KIZ: variants seen among roughly 807,000 people sequenced by gnomAD.
KIZ encodes centrosomal protein kizuna.
Under a neutral mutation model 79.6 loss-of-function variants are expected in KIZ, and 68 were observed. That is an observed-to-expected ratio of 0.85 (90% CI 0.70 to 1.05). KIZ has a LOEUF of 1.05. KIZ is among the 50% of genes least tolerant of loss of function. KIZ has a pLI of 0.00. For missense variants in KIZ, 797 were observed against 800.4 expected (o/e 1.00, Z 0.05); for synonymous variants, 280 against 281.8 (o/e 0.99, Z 0.06).
Position 21,174,115 on chromosome 20 carries a change from C to G in KIZ, c.1352+10956C>G, listed in dbSNP as rs564554799. Among the ~76,000 whole-genome samples, 3 of 152,150 alleles carry G rather than the reference C, an allele frequency of 2.0e-5. No individual in the cohort carries two copies. In the South Asian group the frequency reaches 6.2e-4, roughly 32 times the overall value. ...GTTTAGAAAGCTTAAATAACCTGCTCAGGTCACAGAGGTGCAGCTAGGGTC... is the reference window on the plus strand; with the variant it reads ...GTTTAGAAAGCTTAAATAACCTGCTGAGGTCACAGAGGTGCAGCTAGGGTC... On this transcript the variant is annotated intron_variant, in intron 6 of 12. Coordinates refer to ENST00000619189, the MANE Select transcript of KIZ (RefSeq NM_018474.6).
rs185105669 is a variant in KIZ, at chr20:21,236,623, A to G, written c.1880+3793A>G. Reference sequence around the variant, plus strand: ...CCCTCTGAGTCTCATTGCCACACTCAATTGGTGAGGCCTCAGAGTCACAAT... The same window carrying G: ...CCCTCTGAGTCTCATTGCCACACTCGATTGGTGAGGCCTCAGAGTCACAAT... On this transcript the variant is annotated intron_variant, in intron 11 of 12. Transcript: ENST00000619189. 6.6e-5 allele frequency among the ~76,000 whole-genome samples: 10 copies of G among 152,194 alleles called. No individual in the cohort carries two copies. In the East Asian group the frequency reaches 1.9e-3, roughly 29 times the overall value.
chr20:21,149,631 C>T (rs143970767), intron 4 of KIZ, among the ~76,000 whole-genome samples: 3 of 152,278 alleles, frequency 2.0e-5, no homozygotes, highest in East Asian at 3.9e-4. Context: ...AGGAGAGGCA[C>T]ACGTCAGAGA....
At position 21,126,121 on chromosome 20, in the gene KIZ, C is replaced by T; in HGVS notation, c.6C>T (p.Ser2=). Residue 2 remains serine (S), a synonymous_variant, in exon 1 of 13, where the codon AGC becomes AGT. Transcript: ENST00000619189. ...GCTGGCGCAGCGGCAGCAGCATGAGCCGGACCCTCGCATCGGCCGTGCCCC... is the reference window on the plus strand; with the variant it reads ...GCTGGCGCAGCGGCAGCAGCATGAGTCGGACCCTCGCATCGGCCGTGCCCC... The part of the protein sequence containing the change: M[S]RTLASAVPLS... 6.6e-7 allele frequency: 1 copy of T among 1,514,670 alleles called. No individual in the cohort carries two copies. The highest frequency in any genetic ancestry group is 8.8e-7 in the Non-Finnish European group (1 of 1,131,814). The allele number at this position is 1,514,670 out of a possible 1,614,324, so 93.8% of individuals were successfully genotyped here.
chr20:21,240,189 A>G (rs536418914), intron 11 of KIZ, among the ~76,000 whole-genome samples: 16 of 152,232 alleles, frequency 1.1e-4, no homozygotes, highest in African/African-American at 2.2e-4. Context: ...CAGTGGTGCA[A>G]TGTCAGCTCA....
intron 6 of KIZ, among the ~76,000 whole-genome samples, chr20:21,165,061 G>C (rs2033866036): frequency 6.6e-6 from 1 of 152,004 alleles, no homozygotes; most frequent in African/African-American, 2.4e-5. Context: ...GAGGGTTATT[G>C]GTCTGAGACC....
At chr20:21,138,762 C>CT (rs2032342210) in intron 3 of KIZ, among the ~76,000 whole-genome samples, 1 of 151,968 alleles carries the variant, frequency 6.6e-6, no homozygotes, top group Non-Finnish European at 1.5e-5. Context: ...CCTTAGTATC[C>CT]TTTTACCTAA....
chr20:21,219,020 T>C (rs1418513558), intron 9 of KIZ, among the ~76,000 whole-genome samples: 1 of 152,164 alleles, frequency 6.6e-6, no homozygotes, highest in Non-Finnish European at 1.5e-5. Flanking sequence ...TCAGAAGAAG[T>C]ATAAGAGAAG....
intron 4 of KIZ, 92 bp downstream of exon 4, chr20:21,145,746 A>T (rs962004800): frequency 1.9e-6 from 1 of 532,028 alleles, no homozygotes; most frequent in Admixed American, 3.9e-5. Context: ...TCATCTTATT[A>T]GGAAGATCCC....
At chr20:21,222,881 T>G (rs567835455) in intron 9 of KIZ, among the ~76,000 whole-genome samples, 40 of 152,310 alleles carry the variant, frequency 2.6e-4, no homozygotes, top group African/African-American at 9.4e-4. Flanking sequence ...CCAAATAAGG[T>G]CACGTTCTGA....
At chr20:21,209,342 A>G (rs1273373463) in intron 7 of KIZ, among the ~76,000 whole-genome samples, 1 of 152,238 alleles carries the variant, frequency 6.6e-6, no homozygotes, top group Non-Finnish European at 1.5e-5. Flanking sequence ...TCATTAAAAT[A>G]CAAGATGCCT....
chr20:21,184,846 A>G (rs567218457), intron 6 of KIZ, among the ~76,000 whole-genome samples: 36 of 152,292 alleles, frequency 2.4e-4, no homozygotes, highest in Non-Finnish European at 3.7e-4. Flanking sequence ...GATTGAGACC[A>G]GCCTGAGCAA....
intron 7 of KIZ, among the ~76,000 whole-genome samples, chr20:21,207,207 G>A (rs1428998585): frequency 6.6e-6 from 1 of 152,174 alleles, no homozygotes; most frequent in Non-Finnish European, 1.5e-5. Flanking sequence ...AAGTGGCTGT[G>A]CCATCTAGAG....
chr20:21,158,585 A>G (rs922789890), intron 4 of KIZ: 4 of 152,248 alleles, frequency 2.6e-5, no homozygotes, highest in Admixed American at 6.5e-5. Flanking sequence ...CTATAATTAT[A>G]TAATGCAAAG....
chr20:21,126,179 C>T lies in KIZ; in HGVS notation c.64C>T (p.Gln22Ter), dbSNP rs988408197. 2.0e-6 allele frequency: 3 copies of T among 1,497,636 alleles called. No individual in the cohort carries two copies. Among genetic ancestry groups the T allele is most frequent in the Non-Finnish European group, 2.7e-6 (3 of 1,120,584 alleles). The allele number at this position is 1,497,636 out of a possible 1,614,324, so 92.8% of individuals were successfully genotyped here. ...SSPDYYERLG[Q>*]LQHGLRDSEK... ...TCCCGACTACTACGAGAGGCTGGGC[C>T]AACTCCAGCACGGGCTGCGGGACAG... The change falls in exon 1 of 13, where the codon CAA becomes TAA. Residue 22 changes from glutamine (Q) to a stop codon, truncating the protein, a stop_gained. Transcript: ENST00000619189. LOFTEE classifies it high-confidence loss of function.
intron 6 of KIZ, among the ~76,000 whole-genome samples, chr20:21,190,039 T>C (rs2035046399): frequency 6.6e-6 from 1 of 152,358 alleles, no homozygotes; most frequent in East Asian, 1.9e-4. Flanking sequence ...TACAACTGTT[T>C]TGTGTGGCAA....
chr20:21,230,500 G>T (rs777847120), intron 10 of KIZ, among the ~76,000 whole-genome samples: 7 of 152,168 alleles, frequency 4.6e-5, no homozygotes, highest in Non-Finnish European at 1.0e-4. Flanking sequence ...TTTTCAGACA[G>T]ATATTTTCAA....
At chr20:21,219,538 C>T (rs1171872023) in intron 9 of KIZ, among the ~76,000 whole-genome samples, 1 of 152,066 alleles carries the variant, frequency 6.6e-6, no homozygotes, top group Non-Finnish European at 1.5e-5. Flanking sequence ...GGCTGGTCTC[C>T]AACTCCCGAC....
intron 6 of KIZ, among the ~76,000 whole-genome samples, chr20:21,174,724 C>T (rs569966265): frequency 7.9e-5 from 12 of 152,254 alleles, no homozygotes; most frequent in Non-Finnish European, 1.6e-4. Context: ...TAAACTAAGT[C>T]ACATGAAAGC....
At chr20:21,164,063 G>A (rs2033819099) in intron 6 of KIZ, among the ~76,000 whole-genome samples, 1 of 152,166 alleles carries the variant, frequency 6.6e-6, no homozygotes, top group Non-Finnish European at 1.5e-5. Context: ...CAGCCTGTCT[G>A]CCTGAATGTC....
Sources: allele counts gnomAD v4.1 joint callset (sites outside exome capture counted in the v4.1 genomes callset), GRCh38; gene constraint gnomAD v4.1.1; transcripts MANE v1.5; gene names NCBI Gene and HGNC (gene_info 2026-07-23, HGNC 2026-07-21).